The following CDH10 variants were observed in gnomAD, a reference collection of about 807,000 sequenced individuals.
CDH10 encodes the protein cadherin 10, also known as cadherin-10.
A neutral mutation model predicts 73.1 loss-of-function variants in CDH10; 30 were observed. That is an observed-to-expected ratio of 0.41 (90% CI 0.31 to 0.56). The LOEUF (loss-of-function observed/expected upper bound fraction) is 0.56. CDH10 is among the 20% of genes least tolerant of loss of function. The probability of loss-of-function intolerance (pLI) is 0.27; values close to 1 mark genes in which losing one functional copy is unlikely to be tolerated. For missense variants in CDH10, 815 were observed against 973.7 expected, an observed-to-expected ratio of 0.84 and a Z score of 2.17; for synonymous variants, 345 against 348.2, an observed-to-expected ratio of 0.99 and a Z score of 0.10.
chr5:24,556,996 A>G (rs1744791235), intron 2 of CDH10, among the ~76,000 whole-genome samples: 1 of 151,860 alleles, frequency 6.6e-6, no homozygotes, highest in Admixed American at 6.6e-5. Context: ...AAAGTACAGA[A>G]AGAAAACATA....
intron 2 of CDH10, among the ~76,000 whole-genome samples, chr5:24,580,106 G>A (rs148530926): frequency 6.6e-6 from 1 of 152,116 alleles, no homozygotes; most frequent in East Asian, 1.9e-4. Flanking sequence ...AATTTCTGTT[G>A]TATCAACTTT....
At position 24,535,829 on chromosome 5, in the gene CDH10, T is replaced by C. The variant is rs764137725; in HGVS notation, c.527-7A>G. The C allele has an allele frequency of 7.8e-5, 126 of 1,605,224 alleles. No homozygotes were observed. The highest frequency in any genetic ancestry group is 2.9e-4 in the Admixed American group (17 of 59,222). On this transcript the variant is annotated splice_region_variant and splice_polypyrimidine_tract_variant and intron_variant, in intron 3 of 11. Transcript: ENST00000264463. Reference sequence around the variant, plus strand: ...ACTTGCACCACAGAAGTACCTGAAGTATCCAAATTCAGCTTAGTTCTGCAC... The same window carrying C: ...ACTTGCACCACAGAAGTACCTGAAGCATCCAAATTCAGCTTAGTTCTGCAC...
intron 1 of CDH10, among the ~76,000 whole-genome samples, chr5:24,621,981 A>T: frequency 6.6e-6 from 1 of 152,168 alleles, no homozygotes; most frequent in Admixed American, 6.5e-5. Context: ...AAAGAAGATG[A>T]GGTTAGAGAG....
At position 24,511,482 on chromosome 5, in the gene CDH10, G is replaced by C. The variant is rs2111766844; in HGVS notation, c.847C>G (p.Pro283Ala). The C allele has an allele frequency of 6.2e-7, 1 of 1,605,540 alleles. No homozygotes were observed. The highest frequency in any genetic ancestry group is 8.5e-7 in the Non-Finnish European group (1 of 1,173,322). The change falls in exon 6 of 12, where the codon CCA becomes GCA. Residue 283 changes from proline (P) to alanine (A), a missense_variant. Coordinates refer to ENST00000264463, the MANE Select transcript of CDH10 (RefSeq NM_006727.5). ...ACACTTCCAATGGCTGTGCCAACTG[G>C]GGAGGATTCAAGAACTCGAAGATGA... ...TIHLRVLESS[P>A]VGTAIGSVKA...
intron 2 of CDH10, among the ~76,000 whole-genome samples, chr5:24,577,018 A>C (rs1054333768): frequency 2.8e-5 from 4 of 142,958 alleles, no homozygotes; most frequent in Admixed American, 7.1e-5. Context: ...AAAAAAAAAA[A>C]CCCAAACTGA....
chr5:24,633,747 T>C (rs1032407257), intron 1 of CDH10, among the ~76,000 whole-genome samples: 3 of 151,930 alleles, frequency 2.0e-5, no homozygotes, highest in African/African-American at 7.2e-5. Flanking sequence ...TGTCAATATG[T>C]AAACATTAAA....
At chr5:24,586,931 G>A (rs1367427811) in intron 2 of CDH10, among the ~76,000 whole-genome samples, 1 of 136,130 alleles carries the variant, frequency 7.3e-6, no homozygotes, top group Non-Finnish European at 1.5e-5. Context: ...TGCAAGCTCC[G>A]CCTCCCGGGT....
At chr5:24,599,384 T>C (rs1217158960) in intron 1 of CDH10, among the ~76,000 whole-genome samples, 1 of 152,184 alleles carries the variant, frequency 6.6e-6, no homozygotes, top group Non-Finnish European at 1.5e-5. Flanking sequence ...TGGTTTGTCA[T>C]TGTTCACTTA....
chr5:24,604,370 A>AT (rs1561191774), intron 1 of CDH10, among the ~76,000 whole-genome samples: 1 of 152,150 alleles, frequency 6.6e-6, no homozygotes, highest in Non-Finnish European at 1.5e-5. Context: ...CAATAAAAAA[A>AT]ATTTACCAAT....
intron 1 of CDH10, among the ~76,000 whole-genome samples, chr5:24,606,536 G>A (rs1413158861): frequency 1.3e-5 from 2 of 150,942 alleles, no homozygotes; most frequent in Admixed American, 1.3e-4. Flanking sequence ...GCTTCAACCT[G>A]GGAGGTGGAG....
chr5:24,543,376 T>C (rs1441990697), intron 2 of CDH10, among the ~76,000 whole-genome samples: 1 of 152,192 alleles, frequency 6.6e-6, no homozygotes, highest in Admixed American at 6.5e-5. Context: ...TTTAGAAAGA[T>C]AAATTTCGAT....
chr5:24,591,433 T>C (rs1746196850), intron 2 of CDH10, among the ~76,000 whole-genome samples: 1 of 151,970 alleles, frequency 6.6e-6, no homozygotes, highest in Non-Finnish European at 1.5e-5. Flanking sequence ...AAAGAACTGA[T>C]GAACACATTC....
At chr5:24,488,411 T>G (rs1741923238) in intron 11 of CDH10, among the ~76,000 whole-genome samples, 1 of 152,162 alleles carries the variant, frequency 6.6e-6, no homozygotes, top group African/African-American at 2.4e-5. Context: ...TATAGTGACT[T>G]ACACTTTATT....
chr5:24,578,223 G>A (rs1314846264), intron 2 of CDH10: 1 of 176,492 alleles, frequency 5.7e-6, no homozygotes, highest in Non-Finnish European at 1.3e-5. Flanking sequence ...GTTTTCACAA[G>A]CTTTATTATT....
chr5:24,539,129 G>A (rs1017452100), intron 2 of CDH10, among the ~76,000 whole-genome samples: 3 of 151,770 alleles, frequency 2.0e-5, no homozygotes, highest in African/African-American at 7.3e-5. Flanking sequence ...AATCAGAATA[G>A]GCACACTGAT....
At chr5:24,547,688 T>C (rs1447956170) in intron 2 of CDH10, among the ~76,000 whole-genome samples, 1 of 152,124 alleles carries the variant, frequency 6.6e-6, no homozygotes, top group Non-Finnish European at 1.5e-5. Context: ...TAGATTCAAT[T>C]TTGTTTTTTA....
intron 2 of CDH10, among the ~76,000 whole-genome samples, chr5:24,588,167 G>A (rs1746085534): frequency 6.6e-6 from 1 of 152,062 alleles, no homozygotes; most frequent in African/African-American, 2.4e-5. Context: ...TAACCCAAAG[G>A]AGTCTCTGTC....
chr5:24,623,995 A>G (rs545363231), intron 1 of CDH10, among the ~76,000 whole-genome samples: 1 of 152,226 alleles, frequency 6.6e-6, no homozygotes, highest in Non-Finnish European at 1.5e-5. Flanking sequence ...ATACTATCAA[A>G]GCATAACAGC....
At chr5:24,492,161 G>C (rs1410188594) in intron 10 of CDH10, among the ~76,000 whole-genome samples, 1 of 152,118 alleles carries the variant, frequency 6.6e-6, no homozygotes, top group African/African-American at 2.4e-5. Flanking sequence ...TGCATACCAA[G>C]AGAAAAACCA....
Sources: gnomAD v4.1 joint callset for allele counts (sites outside exome capture counted in the v4.1 genomes callset) on GRCh38, gnomAD v4.1.1 for gene constraint, MANE v1.5 for transcripts, NCBI Gene and HGNC (gene_info 2026-07-23, HGNC 2026-07-21) for gene names.